HCN1: variants seen among roughly 807,000 people sequenced by gnomAD.
The protein encoded by HCN1 is hyperpolarization activated cyclic nucleotide gated potassium channel 1.
In HCN1, 13 loss-of-function variants were observed where a neutral mutation model predicts 78.9. The ratio of observed to expected loss-of-function variants is 0.16; its 90% CI spans 0.11 to 0.26. HCN1 has a LOEUF of 0.26. Among genes scored for constraint, HCN1 ranks in the 10% least tolerant of loss-of-function variants. The probability of loss-of-function intolerance (pLI) is 1.00; values close to 1 mark genes in which losing one functional copy is unlikely to be tolerated. For missense variants in HCN1, 810 were observed against 1,154.3 expected, an observed-to-expected ratio of 0.70 and a Z score of 4.32; for synonymous variants, 552 against 455.5, an observed-to-expected ratio of 1.21 and a Z score of -2.70.
chr5:45,265,346 C>G (rs1319548520), intron 7 of HCN1, among the ~76,000 whole-genome samples: 1 of 152,134 alleles, frequency 6.6e-6, no homozygotes, highest in Admixed American at 6.5e-5. Flanking sequence ...TAGTCTCTGT[C>G]TCTAACATAA....
chr5:45,670,719 C>T (rs1282099873), intron 1 of HCN1, among the ~76,000 whole-genome samples: 4 of 151,544 alleles, frequency 2.6e-5, no homozygotes, highest in Non-Finnish European at 5.9e-5. Flanking sequence ...GGAAAAAAGT[C>T]GTATCTTTTA....
chr5:45,357,108 T>G (rs1277114785), intron 4 of HCN1, among the ~76,000 whole-genome samples: 3 of 152,086 alleles, frequency 2.0e-5, no homozygotes, highest in African/African-American at 7.2e-5. Context: ...ATAGAATTTC[T>G]CTTTACAACA....
chr5:45,549,838 G>C (rs1023549312), intron 2 of HCN1, among the ~76,000 whole-genome samples: 46 of 152,222 alleles, frequency 3.0e-4, no homozygotes, highest in Non-Finnish European at 4.9e-4. Context: ...GTGGGCGAAG[G>C]ATACGAACAG....
At chr5:45,525,409 A>G (rs1452786855) in intron 2 of HCN1, among the ~76,000 whole-genome samples, 1 of 151,854 alleles carries the variant, frequency 6.6e-6, no homozygotes, top group African/African-American at 2.4e-5. Context: ...AAACTGGGTA[A>G]CATTTTATTT....
At chr5:45,275,481 T>C (rs939865682) in intron 6 of HCN1, among the ~76,000 whole-genome samples, 2 of 152,154 alleles carry the variant, frequency 1.3e-5, no homozygotes, top group Non-Finnish European at 2.9e-5. Context: ...TTGTTGTATA[T>C]GTGAATTTTT....
chr5:45,300,481 A>G (rs916807711), intron 6 of HCN1, among the ~76,000 whole-genome samples: 1 of 152,112 alleles, frequency 6.6e-6, no homozygotes, highest in African/African-American at 2.4e-5. Flanking sequence ...TATGATGAAT[A>G]GTAAATATAT....
rs1739694682 is a variant in HCN1, at chr5:45,396,714, C to A, written c.1012-4G>T. On this transcript the variant is annotated splice_polypyrimidine_tract_variant and splice_region_variant and intron_variant, in intron 3 of 7. Coordinates refer to ENST00000303230, the MANE Select transcript of HCN1 (RefSeq NM_021072.4). ...ACTGCTTTCCCCAAGAATCATTCTG[C>A]AACATAAGATAAAAAGAAAATTGAC... The A allele has an allele frequency of 6.2e-7, 1 of 1,611,698 alleles. No individual in the cohort carries two copies. The highest frequency in any genetic ancestry group is 1.3e-5 in the African/African-American group (1 of 74,938).
intron 2 of HCN1, among the ~76,000 whole-genome samples, chr5:45,509,834 A>T (rs1292019672): frequency 6.6e-6 from 1 of 152,102 alleles, no homozygotes; most frequent in Admixed American, 6.6e-5. Context: ...TTCAGGCCTC[A>T]CATGGCCTCG....
intron 6 of HCN1, among the ~76,000 whole-genome samples, chr5:45,281,579 CTTTTTTTTTTTTT>C (rs751307473): frequency 2.4e-4 from 20 of 81,676 alleles, no homozygotes; most frequent in Admixed American, 7.6e-4. Context: ...CTCTTCTCTT[CTTTTTTTTTTTTT>C]TTTTTTTTTT....
At chr5:45,693,994 A>G (rs1739959085) in intron 1 of HCN1, among the ~76,000 whole-genome samples, 1 of 152,178 alleles carries the variant, frequency 6.6e-6, no homozygotes, top group African/African-American at 2.4e-5. Context: ...GGTGAAATAT[A>G]TTTCCATTGG....
chr5:45,445,294 G>A (rs1410220260), intron 3 of HCN1, among the ~76,000 whole-genome samples: 1 of 152,202 alleles, frequency 6.6e-6, no homozygotes, highest in East Asian at 1.9e-4. Context: ...TAGCACAGCA[G>A]TATGAGATCA....
intron 6 of HCN1, among the ~76,000 whole-genome samples, chr5:45,299,143 G>A (rs1474753430): frequency 1.3e-5 from 2 of 152,006 alleles, no homozygotes; most frequent in African/African-American, 2.4e-5. Flanking sequence ...ACTACTGAAT[G>A]TCAGGTGGTA....
chr5:45,357,886 G>A (rs1274572754), intron 4 of HCN1, among the ~76,000 whole-genome samples: 1 of 152,038 alleles, frequency 6.6e-6, no homozygotes, highest in Non-Finnish European at 1.5e-5. Context: ...AGGCGTGAGT[G>A]AATTCTCACT....
rs545232719 is a variant in HCN1, at chr5:45,428,220, A to C, written c.1012-31510T>G. Among the ~76,000 whole-genome samples the C allele has an allele frequency of 3.3e-5, 5 of 152,014 alleles. No homozygotes were observed. The East Asian group carries it at 5.8e-4, about 18-fold the overall frequency. On this transcript the variant is annotated intron_variant, in intron 3 of 7. Transcript: ENST00000303230. ...ATACTTTGAAAAAAACAGAACTACT[A>C]CTCCTAGTCTCACTATGAAACAATT...
chr5:45,583,375 C>G (rs1028596841), intron 2 of HCN1, among the ~76,000 whole-genome samples: 4 of 152,040 alleles, frequency 2.6e-5, no homozygotes, highest in Admixed American at 1.3e-4. Context: ...GGTGACATCC[C>G]CTTTATCATT....
At chr5:45,381,872 C>T (rs1579858554) in intron 4 of HCN1, among the ~76,000 whole-genome samples, 1 of 152,236 alleles carries the variant, frequency 6.6e-6, no homozygotes, top group Admixed American at 6.5e-5. Flanking sequence ...CATATTATTT[C>T]CCTGCTTATA....
At chr5:45,276,779 T>C (rs973045429) in intron 6 of HCN1, among the ~76,000 whole-genome samples, 18 of 152,102 alleles carry the variant, frequency 1.2e-4, no homozygotes, top group Non-Finnish European at 1.9e-4. Flanking sequence ...TCATTCATCA[T>C]AGAGTAATTC....
chr5:45,457,829 T>C (rs777423574), intron 3 of HCN1, among the ~76,000 whole-genome samples: 2 of 152,086 alleles, frequency 1.3e-5, no homozygotes, highest in Non-Finnish European at 2.9e-5. Context: ...ACTAACCCCC[T>C]TCTCCAATAA....
At chr5:45,300,085 C>A (rs1181709656) in intron 6 of HCN1, among the ~76,000 whole-genome samples, 2 of 152,000 alleles carry the variant, frequency 1.3e-5, no homozygotes, top group South Asian at 4.1e-4. Flanking sequence ...AGTCATATTA[C>A]CAAATTAACT....
Sources: gnomAD v4.1 joint callset for allele counts (sites outside exome capture counted in the v4.1 genomes callset) on GRCh38, gnomAD v4.1.1 for gene constraint, MANE v1.5 for transcripts, NCBI Gene and HGNC (gene_info 2026-07-23, HGNC 2026-07-21) for gene names.